SPTAN1: variants seen among roughly 807,000 people sequenced by gnomAD.
SPTAN1 encodes spectrin alpha, non-erythrocytic 1.
Under a neutral mutation model 331.3 loss-of-function variants are expected in SPTAN1, and 61 were observed. That is an observed-to-expected ratio of 0.18 (90% CI 0.15 to 0.23). The LOEUF (loss-of-function observed/expected upper bound fraction) is 0.23, where lower values mean the gene tolerates loss of function less well. SPTAN1 is among the 10% of genes least tolerant of loss of function. The pLI is 1.00. For missense variants in SPTAN1, 2,043 were observed against 3,147.9 expected (o/e 0.65, Z 8.40); for synonymous variants, 1,153 against 1,173.9 (o/e 0.98, Z 0.36).
chr9:128,557,937 G>A (rs1452035554), intron 1 of SPTAN1, among the ~76,000 whole-genome samples: 1 of 151,634 alleles, frequency 6.6e-6, no homozygotes, highest in Non-Finnish European at 1.5e-5. Context: ...CCGAATAGCT[G>A]GGACTACAGG....
chr9:128,599,835 C>G (rs1854846497), intron 26 of SPTAN1: 1 of 555,374 alleles, frequency 1.8e-6, no homozygotes, highest in Non-Finnish European at 3.2e-6. Flanking sequence ...TTTCTTTATT[C>G]TCTCCATTTC....
chr9:128,575,079 A>G (rs1851157648), intron 4 of SPTAN1, 120 bp from the exon 5 acceptor site: 2 of 1,444,138 alleles, frequency 1.4e-6, no homozygotes, highest in South Asian at 1.2e-5. Context: ...AACCACAGAC[A>G]AAACTGTATC....
chr9:128,585,815 A>G lies in SPTAN1; in HGVS notation c.2628A>G (p.Lys876=). The part of the protein sequence containing the change: ...HELNQKWEAL[K]AKASQRRQDL... ...TGAACCAAAAGTGGGAGGCACTGAA[A>G]GCCAAAGCTTCCCAGCGTCGGCAGG... The change falls in exon 19 of 57, where the codon AAA becomes AAG. Residue 876 remains lysine (K), a synonymous_variant. Coordinates refer to ENST00000372739, the MANE Select transcript of SPTAN1 (RefSeq NM_001130438.3). The G allele has an allele frequency of 6.2e-7, 1 of 1,614,206 alleles. No individual in the cohort carries two copies. Among genetic ancestry groups the G allele is most frequent in the Non-Finnish European group, 8.5e-7 (1 of 1,180,030 alleles).
intron 48 of SPTAN1, 85 bp downstream of exon 48, chr9:128,626,063 C>T: frequency 1.3e-6 from 2 of 1,520,068 alleles, no homozygotes; most frequent in Non-Finnish European, 1.8e-6. Flanking sequence ...CTGCCACTCC[C>T]CCTTGAGGAA....
intron 24 of SPTAN1, chr9:128,596,159 G>A (rs1243271822): frequency 6.7e-6 from 1 of 150,154 alleles, no homozygotes; most frequent in East Asian, 2.0e-4. Context: ...TGTTTTCCAG[G>A]TTCATCCTTT....
Position 128,625,316 on chromosome 9 carries a change from A to AG in SPTAN1, c.6069+140dup. The AG allele has an allele frequency of 1.1e-6, 1 of 906,816 alleles. No homozygotes were observed. Among genetic ancestry groups the AG allele is most frequent in the Non-Finnish European group, 1.8e-6 (1 of 568,118 alleles). 56.2% of individuals were successfully genotyped at this position (906,816 alleles called of 1,614,324 possible). On this transcript the variant is annotated intron_variant, in intron 47 of 56. Transcript: ENST00000372739. The surrounding 1 kb of genome is among the most constrained non-coding windows in gnomAD (Gnocchi z 4.1). ...GGAAAAAGATCCTGTCCTGGTCCTC[A>AG]GGGAGCTTCCAGACTAACTGGGGAA...
At position 128,623,417 on chromosome 9, in the gene SPTAN1, A is replaced by C. The variant is rs142486698; in HGVS notation, c.5833-911A>C. On this transcript the variant is annotated intron_variant, in intron 45 of 56. Transcript: ENST00000372739. Reference sequence around the variant, plus strand: ...ATTCAGTTTTTTTCTATCAAAAATAATACTAATGAATATATCATCTTAACT... The same window carrying C: ...ATTCAGTTTTTTTCTATCAAAAATACTACTAATGAATATATCATCTTAACT... 2.4e-4 allele frequency among the ~76,000 whole-genome samples: 36 copies of C among 151,670 alleles called. No homozygotes were observed. The East Asian group carries it at 6.6e-3, about 28-fold the overall frequency.
chr9:128,590,805 C>T (rs980005331), intron 21 of SPTAN1, among the ~76,000 whole-genome samples: 12 of 151,878 alleles, frequency 7.9e-5, no homozygotes, highest in South Asian at 6.2e-4. Context: ...GAGCCAAGAT[C>T]GTGCCACTGC....
intron 29 of SPTAN1, among the ~76,000 whole-genome samples, chr9:128,604,701 G>A (rs1324195811): frequency 1.3e-5 from 2 of 152,224 alleles, no homozygotes; most frequent in African/African-American, 2.4e-5. Flanking sequence ...GGAGGCCAAG[G>A]CAGGCAGATC....
chr9:128,593,410 A>T, intron 23 of SPTAN1: 1 of 251,778 alleles, frequency 4.0e-6, no homozygotes, highest in Non-Finnish European at 7.8e-6. Context: ...ATTCTTGGTA[A>T]CTCATTGCTT....
chr9:128,578,596 T>C (rs4837282), intron 9 of SPTAN1, among the ~76,000 whole-genome samples: 147,850 of 152,146 alleles, frequency 0.97, 71,995 homozygotes, highest in East Asian at 1. Context: ...TTTGGAAGGC[T>C]GAGGCGGGTG....
intron 19 of SPTAN1, 63 bp downstream of exon 19, chr9:128,586,028 G>A: frequency 1.4e-6 from 2 of 1,428,756 alleles, no homozygotes; most frequent in Non-Finnish European, 2.0e-6. Context: ...TACTGAGAAG[G>A]AAGTTAGGAG....
Position 128,629,733 on chromosome 9 carries a change from C to T in SPTAN1, c.6708-588C>T, listed in dbSNP as rs767958437. On this transcript the variant is annotated intron_variant, in intron 51 of 56. Coordinates refer to ENST00000372739, the MANE Select transcript of SPTAN1 (RefSeq NM_001130438.3). This position sits in a 1 kb window ranked among gnomAD's most constrained non-coding sequence, Gnocchi z 4.9. ...CCTGGCTGTGTCTAGAGGATGGAAC[C>T]GGGATCTGGGGTTTAGTCACAGCCA... The T allele has an allele frequency of 1.5e-5, 3 of 201,866 alleles. No individual in the cohort carries two copies. The highest frequency in any genetic ancestry group is 2.1e-3 in the Middle Eastern group (1 of 470). 12.5% of individuals were successfully genotyped at this position (201,866 alleles called of 1,614,324 possible).
intron 1 of SPTAN1, among the ~76,000 whole-genome samples, chr9:128,560,630 C>T (rs1399620938): frequency 1.2e-4 from 1 of 8,028 alleles, no homozygotes; most frequent in Non-Finnish European, 4.7e-3. Flanking sequence ...ATCTGCCCGC[C>T]TCGCCTCCCA....
At position 128,582,513 on chromosome 9, in the gene SPTAN1, A is replaced by G. The variant is rs1852069375; in HGVS notation, c.1607A>G (p.Asn536Ser). 3 of 1,614,208 alleles carry G rather than the reference A, an allele frequency of 1.9e-6. No homozygotes were observed. Among genetic ancestry groups the G allele is most frequent in the South Asian group, 1.1e-5 (1 of 91,088 alleles). ...GAATTTGCAACCAAGCTAATTCAGA[A>G]CAACCACTATGCAATGGAAGATGTG... ...LDEFATKLIQ[N>S]NHYAMEDVAT... Residue 536 changes from asparagine (N) to serine (S), a missense_variant, in exon 13 of 57, where the codon AAC (asparagine) becomes AGC (serine). Physicochemically the swap from Asn to Ser is conservative, Grantham distance 46 (BLOSUM62 1). Coordinates refer to ENST00000372739, the MANE Select transcript of SPTAN1 (RefSeq NM_001130438.3).
At chr9:128,575,409 G>A in intron 5 of SPTAN1, 64 bp downstream of exon 5, 1 of 1,581,934 alleles carries the variant, frequency 6.3e-7, no homozygotes, top group Non-Finnish European at 8.6e-7. Context: ...GTATATTCAG[G>A]ATAAAATTTT....
intron 3 of SPTAN1, among the ~76,000 whole-genome samples, chr9:128,572,586 C>T (rs552819333): frequency 1.7e-4 from 26 of 152,324 alleles, no homozygotes; most frequent in African/African-American, 6.0e-4. Flanking sequence ...CAGGAGCTCT[C>T]ATTTAATCTT....
chr9:128,626,174 G>A (rs1858703968), intron 48 of SPTAN1, 196 bp downstream of exon 48: 6 of 875,116 alleles, frequency 6.9e-6, no homozygotes, highest in Admixed American at 2.3e-5. Context: ...TCAGAAGCAC[G>A]CAGGACAGAC....
In SPTAN1 at chr9:128,591,538, A is replaced by G. The variant is rs758733662; in HGVS notation, c.3068A>G (p.Lys1023Arg). Residue 1023 changes from lysine (K) to arginine (R), a missense_variant, in exon 22 of 57, where the codon AAA (lysine) becomes AGA (arginine). Around this residue, in one of 12 missense-constraint regions of SPTAN1, gnomAD observed 1,038 missense variants for 1,531.5 expected, o/e 0.68. Transcript: ENST00000372739. Reference sequence around the variant, plus strand: ...TTTGTGCCGGCTGCGTACGTGAAGAAATTGGACCCCGCCCAGTCAGCCTCC... The same window carrying G: ...TTTGTGCCGGCTGCGTACGTGAAGAGATTGGACCCCGCCCAGTCAGCCTCC... The part of the protein sequence containing the change: ...QGFVPAAYVK[K>R]LDPAQSASRE... 7 of 1,614,038 alleles carry G rather than the reference A, an allele frequency of 4.3e-6. No individual in the cohort carries two copies. In the Admixed American group the frequency reaches 5.0e-5, roughly 12 times the overall value.
Sources: gnomAD v4.1 joint callset for allele counts (sites outside exome capture counted in the v4.1 genomes callset) on GRCh38, gnomAD v4.1.1 for gene constraint, gnomAD v4.1.1 regional missense constraint, Gnocchi (gnomAD v3.1) non-coding constraint, MANE v1.5 for transcripts, NCBI Gene and HGNC (gene_info 2026-07-23, HGNC 2026-07-21) for gene names.